Variants in PTPRD observed in about 807,000 individuals in gnomAD.
PTPRD encodes protein tyrosine phosphatase receptor type D, also known as receptor-type tyrosine-protein phosphatase delta.
A neutral mutation model predicts 214.5 loss-of-function variants in PTPRD; 34 were observed. The ratio of observed to expected loss-of-function variants is 0.16; its 90% CI spans 0.12 to 0.21. PTPRD has a LOEUF of 0.21. PTPRD is among the 10% of genes least tolerant of loss of function. The pLI is 1.00. For synonymous variants in PTPRD, 1,128 were observed against 845.7 expected, an observed-to-expected ratio of 1.33 and a Z score of -5.79; for missense variants, 2,545 against 2,398.7, an observed-to-expected ratio of 1.06 and a Z score of -1.27.
intron 14 of PTPRD, among the ~76,000 whole-genome samples, chr9:8,587,520 TTGAGTAAAA>T (rs1387617192): frequency 6.6e-6 from 1 of 152,176 alleles, no homozygotes; most frequent in Non-Finnish European, 1.5e-5. Flanking sequence ...TCAAAATGTT[TTGAGTAAAA>T]TGAGTAAAAT....
At chr9:9,179,337 A>G (rs1225194791) in intron 10 of PTPRD, among the ~76,000 whole-genome samples, 2 of 152,112 alleles carry the variant, frequency 1.3e-5, no homozygotes, top group Non-Finnish European at 2.9e-5. Flanking sequence ...CAGTATTGTT[A>G]TGTTCACCCC....
At chr9:8,496,611 T>C (rs747406183) in intron 26 of PTPRD, among the ~76,000 whole-genome samples, 25 of 152,200 alleles carry the variant, frequency 1.6e-4, no homozygotes, top group Non-Finnish European at 3.7e-4. Flanking sequence ...TTCAAATATG[T>C]ATGGGTAAAG....
At chr9:8,482,569 C>T (rs748443460) in intron 30 of PTPRD, among the ~76,000 whole-genome samples, 1 of 152,140 alleles carries the variant, frequency 6.6e-6, no homozygotes, top group East Asian at 1.9e-4. Context: ...AGGATTTATT[C>T]TTATTCCAAA....
chr9:8,769,419 G>C (rs1407958508), intron 11 of PTPRD, among the ~76,000 whole-genome samples: 1 of 152,210 alleles, frequency 6.6e-6, no homozygotes, highest in African/African-American at 2.4e-5. Flanking sequence ...AGTGTTTTCA[G>C]TGAATAGCAT....
At chr9:9,295,856 T>C (rs923550632) in intron 9 of PTPRD, among the ~76,000 whole-genome samples, 1 of 151,856 alleles carries the variant, frequency 6.6e-6, no homozygotes, top group Non-Finnish European at 1.5e-5. Context: ...AACGCCTCTC[T>C]CTATGCCCAG....
At chr9:10,528,036 C>T (rs1295646715) in intron 2 of PTPRD, among the ~76,000 whole-genome samples, 2 of 152,084 alleles carry the variant, frequency 1.3e-5, no homozygotes, top group Admixed American at 1.3e-4. Flanking sequence ...TTTCCTTTCT[C>T]ACAAAACCTC....
In PTPRD at chr9:10,183,910, C is replaced by T. The variant is rs114326470; in HGVS notation, c.-544-150120G>A. ...TATAATTGTGTTCTGATTGAATGCT[C>T]ATAAGGAAATAGAATCATTTTCCCC... On this transcript the variant is annotated intron_variant, in intron 3 of 45. Coordinates refer to ENST00000381196, the MANE Select transcript of PTPRD (RefSeq NM_002839.4). 5.2e-3 allele frequency among the ~76,000 whole-genome samples: 789 copies of T among 152,264 alleles called. 7 individuals carry two copies. The highest frequency in any genetic ancestry group is 0.018 in the African/African-American group (743 of 41,552).
At chr9:9,312,831 C>T in intron 9 of PTPRD, among the ~76,000 whole-genome samples, 1 of 152,160 alleles carries the variant, frequency 6.6e-6, no homozygotes, top group Non-Finnish European at 1.5e-5. Flanking sequence ...CAATGCAGCA[C>T]AAAAGCACTC....
chr9:8,525,222 T>C (rs2073775755), intron 17 of PTPRD, 187 bp from the exon 18 acceptor site: 1 of 720,060 alleles, frequency 1.4e-6, no homozygotes, highest in Non-Finnish European at 2.5e-6. Flanking sequence ...AGATTATTTT[T>C]TTTTTTTACA....
chr9:9,735,527 A>T lies in PTPRD; in HGVS notation c.-325-956T>A, dbSNP rs143238740. On this transcript the variant is annotated intron_variant, in intron 6 of 45. Coordinates refer to ENST00000381196, the MANE Select transcript of PTPRD (RefSeq NM_002839.4). Reference sequence around the variant, plus strand: ...GAATATGTGTCTGCATCTTACTGTCAGAAAATTTAAATTAGGTTATTTCTG... The same window carrying T: ...GAATATGTGTCTGCATCTTACTGTCTGAAAATTTAAATTAGGTTATTTCTG... Among the ~76,000 whole-genome samples the T allele has an allele frequency of 4.4e-3, 677 of 152,218 alleles. 5 individuals carry two copies. The highest frequency in any genetic ancestry group is 0.017 in the Middle Eastern group (5 of 294).
intron 8 of PTPRD, among the ~76,000 whole-genome samples, chr9:9,526,665 T>C (rs1413579758): frequency 6.6e-6 from 1 of 152,186 alleles, no homozygotes; most frequent in African/African-American, 2.4e-5. Context: ...GGGATCCTTA[T>C]ATCTTTGGAA....
At chr9:9,140,039 T>G (rs530473044) in intron 10 of PTPRD, among the ~76,000 whole-genome samples, 1 of 152,052 alleles carries the variant, frequency 6.6e-6, no homozygotes, top group South Asian at 2.1e-4. Context: ...TTATTTTGTT[T>G]GAAAAAAGAT....
chr9:8,484,181 C>G lies in PTPRD; in HGVS notation c.3351G>C (p.Lys1117Asn), dbSNP rs1025234387. The G allele has an allele frequency of 1.2e-6, 2 of 1,614,172 alleles. No homozygotes were observed. The highest frequency in any genetic ancestry group is 1.7e-6 in the Non-Finnish European group (2 of 1,180,026). The change falls in exon 30 of 46, where the codon AAG (lysine) becomes AAC (asparagine). Residue 1117 changes from lysine (K) to asparagine (N), a missense_variant. Transcript: ENST00000381196. ...CAGTAATCATGCCATCCAAGTTGGT[C>G]TTCCCAATGAAGGCAGGCTTGGTAC... Reference protein sequence around the residue: ...VLRTKPAFIGKTNLDGMITVQ... With the variant: ...VLRTKPAFIGNTNLDGMITVQ...
intron 2 of PTPRD, among the ~76,000 whole-genome samples, chr9:10,571,398 T>C (rs776219003): frequency 2.6e-5 from 4 of 152,324 alleles, no homozygotes; most frequent in Non-Finnish European, 5.9e-5. Context: ...GGATAATACC[T>C]TTATTTCATG....
At chr9:9,846,761 G>A (rs1228552916) in intron 5 of PTPRD, among the ~76,000 whole-genome samples, 1 of 152,112 alleles carries the variant, frequency 6.6e-6, no homozygotes, top group Non-Finnish European at 1.5e-5. Context: ...TGCTGACACT[G>A]CTTGGACAGC....
At chr9:8,442,476 G>T (rs367549892) in intron 34 of PTPRD, among the ~76,000 whole-genome samples, 1 of 152,104 alleles carries the variant, frequency 6.6e-6, no homozygotes, top group African/African-American at 2.4e-5. Context: ...ACGTGTGTTT[G>T]TAATGACTCA....
intron 39 of PTPRD, among the ~76,000 whole-genome samples, chr9:8,373,930 C>CTA (rs2082425613): frequency 7.0e-6 from 1 of 143,332 alleles, no homozygotes; most frequent in Admixed American, 7.2e-5. Flanking sequence ...ACCTACCTAT[C>CTA]TCAGTTTTCT....
intron 14 of PTPRD, among the ~76,000 whole-genome samples, chr9:8,624,146 C>A (rs2095924130): frequency 6.6e-6 from 1 of 151,738 alleles, no homozygotes; most frequent in South Asian, 2.1e-4. Flanking sequence ...CCTGGACCTA[C>A]CTAATGTATA....
intron 12 of PTPRD, among the ~76,000 whole-genome samples, chr9:8,671,222 G>A (rs982218959): frequency 6.6e-6 from 1 of 151,966 alleles, no homozygotes; most frequent in Non-Finnish European, 1.5e-5. Context: ...AAAATGATGC[G>A]ATACTTCTCA....
Sources: allele counts gnomAD v4.1 joint callset (sites outside exome capture counted in the v4.1 genomes callset), GRCh38; gene constraint gnomAD v4.1.1; transcripts MANE v1.5; gene names NCBI Gene and HGNC (gene_info 2026-07-23, HGNC 2026-07-21).